Variants in CDH6 observed in about 807,000 individuals in gnomAD.
CDH6 encodes cadherin-6.
A neutral mutation model predicts 78.0 loss-of-function variants in CDH6; 31 were observed. The observed-to-expected ratio is 0.40, with a 90% CI of 0.30 to 0.54. CDH6 has a LOEUF of 0.54. CDH6 is among the 20% of genes least tolerant of loss of function. The pLI is 0.56. For missense variants in CDH6, 724 were observed against 975.9 expected (o/e 0.74, Z 3.44); for synonymous variants, 376 against 368.8 (o/e 1.02, Z -0.23).
Position 31,193,759 on chromosome 5 carries a change from C to A in CDH6, c.-256C>A, listed in dbSNP as rs1740076498. ...TCCCGAGCCCGTAACCTTCGCATCC[C>A]AAGAGCTGCAGTTTCAGCCGCGACA... On this transcript the variant is annotated 5_prime_UTR_variant, in exon 1 of 12. Transcript: ENST00000265071. 1 of 153,402 alleles carries A rather than the reference C, an allele frequency of 6.5e-6. No individual in the cohort carries two copies. The highest frequency in any genetic ancestry group is 1.8e-4 in the South Asian group (1 of 5,430). 9.5% of individuals were successfully genotyped at this position (153,402 alleles called of 1,614,324 possible). A position where few individuals can be genotyped will look rare whatever the true frequency, so the allele number is the denominator to read the frequency against.
chr5:31,195,795 T>A (rs1287707474), intron 1 of CDH6, among the ~76,000 whole-genome samples: 1 of 152,208 alleles, frequency 6.6e-6, no homozygotes, highest in South Asian at 2.1e-4. Context: ...AAAAAGGTAC[T>A]GAAGGAAAAT....
At chr5:31,219,626 C>A (rs1355173790) in intron 1 of CDH6, among the ~76,000 whole-genome samples, 1 of 152,116 alleles carries the variant, frequency 6.6e-6, no homozygotes, top group African/African-American at 2.4e-5. Context: ...CATGGAGTTT[C>A]TCATCCTGAA....
Position 31,311,998 on chromosome 5 carries a change from G to A in CDH6, c.1254-1320G>A, listed in dbSNP as rs533636378. Among the ~76,000 whole-genome samples the A allele has an allele frequency of 4.9e-4, 75 of 152,276 alleles. 1 individual carries two copies. The highest frequency in any genetic ancestry group is 6.8e-3 in the Middle Eastern group (2 of 294). ...GGGTTGGAATGTTTGGTTTCCAAAT[G>A]CTTCTCTTGGTTTCCCTCAAATTTA... On this transcript the variant is annotated intron_variant, in intron 7 of 11. Transcript: ENST00000265071.
At chr5:31,245,376 CTCTT>C (rs1365835961) in intron 1 of CDH6, among the ~76,000 whole-genome samples, 1 of 152,108 alleles carries the variant, frequency 6.6e-6, no homozygotes, top group East Asian at 1.9e-4. Flanking sequence ...TATTCTTCTT[CTCTT>C]TCTTTCTCTC....
rs1235184132 is a variant in CDH6 at position 31,328,022 on chromosome 5, C to G, written c.*4714C>G. On this transcript the variant is annotated 3_prime_UTR_variant, in exon 12 of 12. Transcript: ENST00000265071. ...ATTTTTATTTGGGGGAAACGTTAGC[C>G]CAACAGAGCCGGCAGATGAAAGTGT... 1 of 216,802 alleles carries G rather than the reference C, an allele frequency of 4.6e-6. No individual in the cohort carries two copies. Among genetic ancestry groups the G allele is most frequent in the African/African-American group, 2.3e-5 (1 of 44,300 alleles). 13.4% of individuals were successfully genotyped at this position (216,802 alleles called of 1,614,324 possible).
At chr5:31,248,597 G>A (rs1316450902) in intron 1 of CDH6, among the ~76,000 whole-genome samples, 1 of 152,044 alleles carries the variant, frequency 6.6e-6, no homozygotes, top group Non-Finnish European at 1.5e-5. Flanking sequence ...TCTTGTATAG[G>A]TAGATGATAA....
Position 31,323,158 on chromosome 5 carries a change from A to G in CDH6, c.2223A>G (p.Glu741=). The change falls in exon 12 of 12, where the codon GAA becomes GAG. Residue 741 remains glutamate (E), a synonymous_variant. Coordinates refer to ENST00000265071, the MANE Select transcript of CDH6 (RefSeq NM_004932.4). The part of the protein sequence containing the change: ...PYDSLATYAY[E]GTGSVADSLS... ...ACTCCTTGGCCACTTACGCCTATGA[A>G]GGCACTGGCTCCGTGGCGGATTCCC... 4 of 1,614,156 alleles carry G rather than the reference A, an allele frequency of 2.5e-6. No homozygotes were observed. Among genetic ancestry groups the G allele is most frequent in the Non-Finnish European group, 3.4e-6 (4 of 1,180,012 alleles).
At chr5:31,314,941 A>G (rs983478885) in intron 8 of CDH6, among the ~76,000 whole-genome samples, 23 of 152,186 alleles carry the variant, frequency 1.5e-4, no homozygotes, top group Non-Finnish European at 1.9e-4. Flanking sequence ...AATTTTAGAC[A>G]TTTTAAAGAA....
chr5:31,226,966 G>A (rs1198680578), intron 1 of CDH6, among the ~76,000 whole-genome samples: 1 of 152,124 alleles, frequency 6.6e-6, no homozygotes, highest in South Asian at 2.1e-4. Flanking sequence ...ATAAGAAAGG[G>A]CTGAGCCTGT....
At chr5:31,255,447 T>C (rs893073932) in intron 1 of CDH6, among the ~76,000 whole-genome samples, 2 of 152,248 alleles carry the variant, frequency 1.3e-5, no homozygotes, top group African/African-American at 4.8e-5. Context: ...AGGGCATTTC[T>C]TTGGTGGTAT....
intron 1 of CDH6, among the ~76,000 whole-genome samples, chr5:31,235,265 C>T (rs1741424755): frequency 2.1e-5 from 2 of 95,482 alleles, no homozygotes; most frequent in African/African-American, 7.7e-5. Context: ...CCTTGTATGC[C>T]ATTCTTTCAA....
chr5:31,273,176 C>T (rs955459142), intron 2 of CDH6, among the ~76,000 whole-genome samples: 5 of 152,086 alleles, frequency 3.3e-5, no homozygotes, highest in African/African-American at 4.8e-5. Flanking sequence ...ATATTTTATC[C>T]GTTCTGAAAG....
intron 1 of CDH6, among the ~76,000 whole-genome samples, chr5:31,262,092 A>G (rs1038844536): frequency 1.5e-4 from 23 of 152,236 alleles, no homozygotes; most frequent in African/African-American, 5.5e-4. Context: ...AATCAAAAGA[A>G]AACGTCAGCC....
chr5:31,222,826 T>A (rs983603215), intron 1 of CDH6, among the ~76,000 whole-genome samples: 1 of 152,192 alleles, frequency 6.6e-6, no homozygotes, highest in Admixed American at 6.5e-5. Flanking sequence ...CAATCTACTA[T>A]AAATTATAGG....
chr5:31,264,591 C>T (rs1176176182), intron 1 of CDH6, among the ~76,000 whole-genome samples: 3 of 152,096 alleles, frequency 2.0e-5, no homozygotes, highest in Non-Finnish European at 4.4e-5. Flanking sequence ...ATATATTCAA[C>T]AGTTTAAAGG....
intron 1 of CDH6, among the ~76,000 whole-genome samples, chr5:31,240,741 C>T (rs779944900): frequency 1.2e-4 from 19 of 152,174 alleles, no homozygotes; most frequent in Non-Finnish European, 2.6e-4. Flanking sequence ...CATCTGGCAG[C>T]GCAGAGTGAA....
intron 8 of CDH6, among the ~76,000 whole-genome samples, chr5:31,315,514 T>G (rs1285328010): frequency 6.6e-6 from 1 of 152,224 alleles, no homozygotes; most frequent in Non-Finnish European, 1.5e-5. Flanking sequence ...ACCAAAATAC[T>G]TCATTTATCT....
intron 6 of CDH6, 74 bp downstream of exon 6, chr5:31,302,372 A>G: frequency 9.5e-7 from 1 of 1,051,266 alleles, no homozygotes; most frequent in Non-Finnish European, 1.4e-6. Flanking sequence ...ACCAGGGGCA[A>G]TTATATCTCA....
In CDH6 at chr5:31,268,124, A is replaced by G. The variant is rs537902405; in HGVS notation, c.228+423A>G. 5.9e-5 allele frequency among the ~76,000 whole-genome samples: 9 copies of G among 152,274 alleles called. No individual in the cohort carries two copies. In the South Asian group the frequency reaches 1.9e-3, roughly 32 times the overall value. On this transcript the variant is annotated intron_variant, in intron 2 of 11. Transcript: ENST00000265071. Reference sequence around the variant, plus strand: ...AGCTATAGTCCTTTGGCCAAGTTCAAATTAACTACTTCTTAACTCTGCTAC... The same window carrying G: ...AGCTATAGTCCTTTGGCCAAGTTCAGATTAACTACTTCTTAACTCTGCTAC...
Sources: gnomAD v4.1 joint callset for allele counts (sites outside exome capture counted in the v4.1 genomes callset) on GRCh38, gnomAD v4.1.1 for gene constraint, MANE v1.5 for transcripts, NCBI Gene and HGNC (gene_info 2026-07-23, HGNC 2026-07-21) for gene names.